Variants in RNF144A observed in about 807,000 individuals in gnomAD.
RNF144A encodes the protein E3 ubiquitin-protein ligase RNF144A.
A neutral mutation model predicts 38.7 loss-of-function variants in RNF144A; 11 were observed. The ratio of observed to expected loss-of-function variants is 0.28; its 90% CI spans 0.18 to 0.47. The LOEUF is 0.47. RNF144A is among the 20% of genes least tolerant of loss of function. RNF144A has a pLI of 0.99. For synonymous variants in RNF144A, 149 were observed against 143.9 expected, an observed-to-expected ratio of 1.04 and a Z score of -0.25; for missense variants, 316 against 377.2, an observed-to-expected ratio of 0.84 and a Z score of 1.34.
At chr2:6,986,868 A>T (rs984605792) in intron 2 of RNF144A, among the ~76,000 whole-genome samples, 6 of 152,244 alleles carry the variant, frequency 3.9e-5, no homozygotes, top group Non-Finnish European at 5.9e-5. Flanking sequence ...TTATCTCTAA[A>T]AAGAAGGAGG....
At chr2:6,969,592 C>G (rs1383592591) in intron 2 of RNF144A, among the ~76,000 whole-genome samples, 4 of 152,204 alleles carry the variant, frequency 2.6e-5, no homozygotes, top group Admixed American at 2.6e-4. Context: ...AATAAAAGTA[C>G]AGGCTGAGCA....
intron 2 of RNF144A, 164 bp from the exon 3 acceptor site, chr2:6,996,752 C>A (rs1669769410): frequency 3.0e-6 from 2 of 660,186 alleles, no homozygotes; most frequent in Non-Finnish European, 5.0e-6. Flanking sequence ...GACTCCATCT[C>A]AAAAAAAACC....
At chr2:7,017,471 C>G (rs1194379021) in intron 5 of RNF144A, among the ~76,000 whole-genome samples, 1 of 152,186 alleles carries the variant, frequency 6.6e-6, no homozygotes, top group Non-Finnish European at 1.5e-5. Context: ...CAGGCACCAG[C>G]CCGCCGGGCA....
At chr2:6,961,687 T>A (rs776466302) in intron 2 of RNF144A, among the ~76,000 whole-genome samples, 7 of 152,212 alleles carry the variant, frequency 4.6e-5, no homozygotes, top group Non-Finnish European at 8.8e-5. Flanking sequence ...TGACTTTGAA[T>A]ACCCATCCCT....
At chr2:6,918,718 C>T (rs371292377) in intron 1 of RNF144A, 1 of 135,122 alleles carries the variant, frequency 7.4e-6, no homozygotes, top group African/African-American at 2.8e-5. Context: ...GAGCGGAGAT[C>T]GCGCCACAGC....
intron 2 of RNF144A, among the ~76,000 whole-genome samples, chr2:6,975,693 GCA>G (rs1333052034): frequency 6.6e-6 from 1 of 152,162 alleles, no homozygotes; most frequent in East Asian, 1.9e-4. Flanking sequence ...TGTGGTTGTG[GCA>G]CAGGCCTGTG....
intron 2 of RNF144A, among the ~76,000 whole-genome samples, chr2:6,981,077 C>T (rs1668600233): frequency 6.6e-6 from 1 of 152,230 alleles, no homozygotes; most frequent in Non-Finnish European, 1.5e-5. Flanking sequence ...CTGCACAGAG[C>T]AGCTGAGGCC....
At chr2:6,926,821 ACTTTTGTT>A (rs1476087281) in intron 1 of RNF144A, among the ~76,000 whole-genome samples, 1 of 152,162 alleles carries the variant, frequency 6.6e-6, no homozygotes, top group Non-Finnish European at 1.5e-5. Context: ...TTGTTTATTT[ACTTTTGTT>A]CTTTAATCCA....
At chr2:6,926,377 G>A (rs1053753955) in intron 1 of RNF144A, among the ~76,000 whole-genome samples, 3 of 152,250 alleles carry the variant, frequency 2.0e-5, no homozygotes, top group Non-Finnish European at 4.4e-5. Context: ...TGCCTGGGAG[G>A]TGGTCCTGGA....
chr2:6,931,794 C>T (rs1665223117), intron 1 of RNF144A, among the ~76,000 whole-genome samples: 1 of 152,084 alleles, frequency 6.6e-6, no homozygotes, highest in Non-Finnish European at 1.5e-5. Flanking sequence ...TGAGGCCATA[C>T]TTTGTATGAT....
intron 8 of RNF144A, among the ~76,000 whole-genome samples, chr2:7,030,645 C>T (rs1208949887): frequency 6.6e-6 from 1 of 152,034 alleles, no homozygotes; most frequent in Non-Finnish European, 1.5e-5. Context: ...GGAAAAATTC[C>T]GAGGTCAGTG....
chr2:7,040,636 G>T lies in RNF144A; in HGVS notation c.*876G>T. The T allele has an allele frequency of 1.0e-6, 1 of 985,422 alleles. No homozygotes were observed. The highest frequency in any genetic ancestry group is 1.2e-6 in the Non-Finnish European group (1 of 829,948). 61.0% of individuals were successfully genotyped at this position (985,422 alleles called of 1,614,324 possible). A position where few individuals can be genotyped will look rare whatever the true frequency, so the allele number is the denominator to read the frequency against. ...GTATTCAATCCCACTGCTTTGCTCG[G>T]CAATGGTTCTCCTCCGAATTGCTGC... is the stretch of plus-strand genomic sequence containing the variant. On this transcript the variant is annotated 3_prime_UTR_variant, in exon 9 of 9. Coordinates refer to ENST00000320892, the MANE Select transcript of RNF144A (RefSeq NM_014746.6).
At chr2:6,974,880 CA>C (rs1668213919) in intron 2 of RNF144A, among the ~76,000 whole-genome samples, 1 of 152,060 alleles carries the variant, frequency 6.6e-6, no homozygotes, top group African/African-American at 2.4e-5. Context: ...GTAATTTATA[CA>C]ATACTAAAAT....
chr2:6,994,539 G>A (rs1414059686), intron 2 of RNF144A, among the ~76,000 whole-genome samples: 1 of 152,138 alleles, frequency 6.6e-6, no homozygotes, highest in African/African-American at 2.4e-5. Context: ...AATTCAAGGT[G>A]TAGAGAAATG....
chr2:6,954,472 A>G (rs571345930), intron 2 of RNF144A, among the ~76,000 whole-genome samples: 4 of 152,306 alleles, frequency 2.6e-5, no homozygotes, highest in African/African-American at 9.6e-5. Flanking sequence ...TTTTAGTTCA[A>G]TCTGTTTTAA....
At chr2:6,985,287 T>C (rs931406359) in intron 2 of RNF144A, among the ~76,000 whole-genome samples, 3 of 151,266 alleles carry the variant, frequency 2.0e-5, no homozygotes, top group Non-Finnish European at 4.4e-5. Context: ...TTTTTTTTTT[T>C]TTTTTTAACA....
intron 5 of RNF144A, among the ~76,000 whole-genome samples, chr2:7,017,881 C>A (rs77192652): frequency 0.014 from 2,063 of 152,294 alleles, 50 homozygotes; most frequent in African/African-American, 0.047. Flanking sequence ...TTGTCCCTGA[C>A]CTTTTCGATA....
downstream of RNF144A, among the ~76,000 whole-genome samples, chr2:7,073,147 T>A (rs1325664226): frequency 6.6e-6 from 1 of 152,210 alleles, no homozygotes; most frequent in Non-Finnish European, 1.5e-5. Flanking sequence ...TTACCTGGCT[T>A]GTTTCCTTTC....
At chr2:6,987,090 A>G (rs1041847740) in intron 2 of RNF144A, among the ~76,000 whole-genome samples, 2 of 152,092 alleles carry the variant, frequency 1.3e-5, no homozygotes, top group Non-Finnish European at 2.9e-5. Flanking sequence ...GAAACCGGCC[A>G]TGATGTTGAA....
Sources: allele counts gnomAD v4.1 joint callset (sites outside exome capture counted in the v4.1 genomes callset), GRCh38; gene constraint gnomAD v4.1.1; transcripts MANE v1.5; gene names NCBI Gene and HGNC (gene_info 2026-07-23, HGNC 2026-07-21).